The following TEAD1 variants were observed in gnomAD, a reference collection of about 807,000 sequenced individuals.
TEAD1 encodes TEA domain transcription factor 1.
TEAD1 carries 9 observed loss-of-function variants against 54.9 expected under a neutral mutation model. That is an observed-to-expected ratio of 0.16 (90% CI 0.10 to 0.29). The LOEUF is 0.29. Ranked by LOEUF, TEAD1 falls within the 10% of genes least tolerant of loss-of-function variation. TEAD1 has a pLI of 1.00. For synonymous variants in TEAD1, 200 were observed against 187.8 expected (o/e 1.07, Z -0.53); for missense variants, 387 against 535.9 (o/e 0.72, Z 2.74).
intron 10 of TEAD1, among the ~76,000 whole-genome samples, chr11:12,923,755 T>C (rs1057420259): frequency 2.0e-5 from 3 of 152,188 alleles, no homozygotes; most frequent in Non-Finnish European, 4.4e-5. Flanking sequence ...GAGAGCCAGC[T>C]TACTCCTGAA....
intron 3 of TEAD1, among the ~76,000 whole-genome samples, chr11:12,821,133 T>A (rs905671605): frequency 2.0e-5 from 3 of 152,220 alleles, no homozygotes; most frequent in African/African-American, 7.2e-5. Flanking sequence ...ACTTCTCTGT[T>A]GCTGCCCAGA....
At chr11:12,710,552 G>A (rs948007756) in intron 2 of TEAD1, among the ~76,000 whole-genome samples, 1 of 152,016 alleles carries the variant, frequency 6.6e-6, no homozygotes, top group African/African-American at 2.4e-5. Flanking sequence ...AGAATAGAGT[G>A]GTGCTGGTAA....
intron 3 of TEAD1, among the ~76,000 whole-genome samples, chr11:12,856,556 A>T (rs1370666174): frequency 1.3e-5 from 2 of 152,210 alleles, no homozygotes; most frequent in African/African-American, 4.8e-5. Context: ...AGGTGTTCAC[A>T]GGAAACATTC....
At chr11:12,888,191 G>A (rs1271874610) in intron 9 of TEAD1, among the ~76,000 whole-genome samples, 1 of 152,218 alleles carries the variant, frequency 6.6e-6, no homozygotes, top group African/African-American at 2.4e-5. Context: ...CAGCCTGCCT[G>A]TAGCATCTCT....
At chr11:12,675,146 T>TGCACGCGC (rs1943051996) in intron 1 of TEAD1, among the ~76,000 whole-genome samples, 1 of 149,562 alleles carries the variant, frequency 6.7e-6, no homozygotes, top group African/African-American at 2.4e-5. Flanking sequence ...TCCCGCCGCC[T>TGCACGCGC]GCACGCGCAC....
At chr11:12,752,694 C>G (rs918518620) in intron 2 of TEAD1, among the ~76,000 whole-genome samples, 27 of 152,122 alleles carry the variant, frequency 1.8e-4, no homozygotes, top group African/African-American at 6.0e-4. Context: ...CCATTAGCCA[C>G]TTGTGAATAT....
chr11:12,807,514 A>C (rs1361394935), intron 3 of TEAD1, among the ~76,000 whole-genome samples: 3 of 152,208 alleles, frequency 2.0e-5, no homozygotes, highest in African/African-American at 7.2e-5. Context: ...TTTTCTCATC[A>C]GTAAAGTGGG....
At chr11:12,841,842 C>G (rs1947047306) in intron 3 of TEAD1, among the ~76,000 whole-genome samples, 1 of 152,180 alleles carries the variant, frequency 6.6e-6, no homozygotes, top group Admixed American at 6.5e-5. Context: ...ATAACTTTAC[C>G]TAGAGTCAGT....
intron 5 of TEAD1, among the ~76,000 whole-genome samples, chr11:12,874,121 T>C (rs117524963): frequency 0.029 from 4,380 of 152,328 alleles, 81 homozygotes; most frequent in South Asian, 0.096. Flanking sequence ...ATAAACTGTT[T>C]GGAATATATT....
rs140394622 is a variant in TEAD1, at chr11:12,720,247, G to A, written c.-54-43932G>A. On this transcript the variant is annotated intron_variant, in intron 2 of 12. Transcript: ENST00000527636. The stretch of plus-strand genomic sequence containing the variant: ...AGTTAGATCTCTAGAGAGAGGAATA[G>A]GCACTTACTCTGACTATTAAAAATA... 3.7e-4 allele frequency among the ~76,000 whole-genome samples: 56 copies of A among 152,074 alleles called. No homozygotes were observed. In the East Asian group the frequency reaches 8.9e-3, roughly 24 times the overall value.
intron 2 of TEAD1, among the ~76,000 whole-genome samples, chr11:12,682,902 T>A (rs1326638948): frequency 6.6e-6 from 1 of 152,124 alleles, no homozygotes; most frequent in East Asian, 1.9e-4. Flanking sequence ...GCTTGAACAT[T>A]TTTGAAATTG....
intron 2 of TEAD1, among the ~76,000 whole-genome samples, chr11:12,730,493 A>G (rs1346886235): frequency 7.8e-6 from 1 of 128,920 alleles, no homozygotes; most frequent in African/African-American, 3.0e-5. Context: ...CGAGAGAGGT[A>G]GGTCTTAAAA....
At chr11:12,785,340 C>T (rs960914356) in intron 3 of TEAD1, among the ~76,000 whole-genome samples, 1 of 152,174 alleles carries the variant, frequency 6.6e-6, no homozygotes. Flanking sequence ...GTTCTGAGGG[C>T]GAGTTGGCCC....
intron 12 of TEAD1, among the ~76,000 whole-genome samples, chr11:12,930,869 A>C (rs1394322827): frequency 6.6e-6 from 1 of 152,252 alleles, no homozygotes; most frequent in African/African-American, 2.4e-5. Flanking sequence ...TACATGCATT[A>C]AGGCAGGAAA....
At chr11:12,742,446 G>A (rs1007427322) in intron 2 of TEAD1, among the ~76,000 whole-genome samples, 1 of 152,138 alleles carries the variant, frequency 6.6e-6, no homozygotes, top group Non-Finnish European at 1.5e-5. Context: ...GTGAGAGGGT[G>A]GGTAGGGAAA....
chr11:12,676,084 A>T (rs1158339056), intron 2 of TEAD1, among the ~76,000 whole-genome samples: 1 of 152,198 alleles, frequency 6.6e-6, no homozygotes, highest in Non-Finnish European at 1.5e-5. Flanking sequence ...CCATGTTTAA[A>T]AACAGTGCGT....
At chr11:12,761,700 T>A (rs1945105871) in intron 2 of TEAD1, among the ~76,000 whole-genome samples, 1 of 152,154 alleles carries the variant, frequency 6.6e-6, no homozygotes, top group Non-Finnish European at 1.5e-5. Flanking sequence ...GGAGGCTGCT[T>A]CTGTCATACC....
Position 12,939,537 on chromosome 11 carries a change from A to C in TEAD1, c.*2315A>C, listed in dbSNP as rs1949140823. 1 of 152,266 alleles carries C rather than the reference A, an allele frequency of 6.6e-6. No homozygotes were observed. The highest frequency in any genetic ancestry group is 2.1e-4 in the South Asian group (1 of 4,830). The allele number at this position is 152,266 out of a possible 1,614,324, so 9.4% of individuals were successfully genotyped here. On this transcript the variant is annotated 3_prime_UTR_variant, in exon 13 of 13. Coordinates refer to ENST00000527636, the MANE Select transcript of TEAD1 (RefSeq NM_021961.6). ...CAAAGCACAAAAATACTGGGACCCA[A>C]GAAGAACAGCTAGAGGACAACTCTG...
Position 12,717,046 on chromosome 11 carries a change from G to C in TEAD1, c.-55+41485G>C, listed in dbSNP as rs12287537. Among the ~76,000 whole-genome samples, 234 of 152,334 alleles carry C rather than the reference G, an allele frequency of 1.5e-3. 1 individual carries two copies. Among genetic ancestry groups the C allele is most frequent in the African/African-American group, 5.2e-3 (215 of 41,570 alleles). The stretch of plus-strand genomic sequence containing the variant: ...ACCAACTCACATACCATAGTTTGCT[G>C]TACAGAGAAAGGTTCCTGCATGGAT... On this transcript the variant is annotated intron_variant, in intron 2 of 12. Transcript: ENST00000527636.
Sources: allele counts gnomAD v4.1 joint callset (sites outside exome capture counted in the v4.1 genomes callset), GRCh38; gene constraint gnomAD v4.1.1; transcripts MANE v1.5; gene names NCBI Gene and HGNC (gene_info 2026-07-23, HGNC 2026-07-21).